LNP1: variants seen among roughly 807,000 people sequenced by gnomAD.
LNP1 encodes the protein leukemia NUP98 fusion partner 1.
Under a neutral mutation model 14.5 loss-of-function variants are expected in LNP1, and 12 were observed. The ratio of observed to expected loss-of-function variants is 0.83; its 90% confidence interval spans 0.53 to 1.34. The LOEUF (loss-of-function observed/expected upper bound fraction) is 1.34, where lower values mean the gene tolerates loss of function less well. LNP1 is among the 40% of genes most tolerant of loss of function. The probability of loss-of-function intolerance (pLI) is 0.00; values close to 1 mark genes in which losing one functional copy is unlikely to be tolerated. For synonymous variants in LNP1, 75 were observed against 71.4 expected, an observed-to-expected ratio of 1.05 and a Z score of -0.26; for missense variants, 198 against 210.9, an observed-to-expected ratio of 0.94 and a Z score of 0.38.
chr3:100,410,334 AG>A (rs1707020374), intron 1 of LNP1, among the ~76,000 whole-genome samples: 1 of 151,572 alleles, frequency 6.6e-6, no homozygotes, highest in African/African-American at 2.4e-5. Flanking sequence ...GTGGATGTTA[AG>A]GGCCATTTTG....
intron 1 of LNP1, among the ~76,000 whole-genome samples, chr3:100,416,083 GA>G (rs1394961083): frequency 6.6e-6 from 1 of 152,218 alleles, no homozygotes; most frequent in East Asian, 1.9e-4. Flanking sequence ...TTGCAAGGCA[GA>G]AGGCAGATAA....
At chr3:100,449,007 A>T (rs7372912) in intron 2 of LNP1, among the ~76,000 whole-genome samples, 1 of 152,254 alleles carries the variant, frequency 6.6e-6, no homozygotes, top group African/African-American at 2.4e-5. Context: ...ACATTATCAG[A>T]TATGGAGAAT....
intron 2 of LNP1, among the ~76,000 whole-genome samples, chr3:100,446,821 A>G (rs556731803): frequency 4.7e-4 from 72 of 152,352 alleles, no homozygotes; most frequent in African/African-American, 1.6e-3. Flanking sequence ...TAAAGAAGAC[A>G]TATATGCAAC....
intron 2 of LNP1, among the ~76,000 whole-genome samples, chr3:100,449,368 G>A (rs1353912666): frequency 1.3e-5 from 2 of 152,086 alleles, no homozygotes; most frequent in Non-Finnish European, 2.9e-5. Context: ...CAGTACAAAA[G>A]CAAGCAGTTT....
intron 1 of LNP1, among the ~76,000 whole-genome samples, chr3:100,416,599 TTGTGTGTGTGTG>T (rs769199967): frequency 1.1e-5 from 1 of 94,662 alleles, no homozygotes; most frequent in East Asian, 3.0e-4. Context: ...TATATCTTTT[TTGTGTGTGTGTG>T]TGTGTGTGTG....
intron 1 of LNP1, among the ~76,000 whole-genome samples, chr3:100,421,800 CAT>C (rs1707145712): frequency 6.6e-6 from 1 of 152,140 alleles, no homozygotes; most frequent in African/African-American, 2.4e-5. Context: ...CTGCTAATAA[CAT>C]GTGATATTTG....
At chr3:100,440,646 C>A (rs1427715539) in intron 2 of LNP1, among the ~76,000 whole-genome samples, 1 of 152,096 alleles carries the variant, frequency 6.6e-6, no homozygotes, top group Non-Finnish European at 1.5e-5. Flanking sequence ...TTCTTCTATT[C>A]TTTATACTGT....
intron 1 of LNP1, among the ~76,000 whole-genome samples, chr3:100,425,221 CCCCA>C (rs1707181246): frequency 6.6e-6 from 1 of 152,172 alleles, no homozygotes; most frequent in Non-Finnish European, 1.5e-5. Context: ...TTAGCAGAGC[CCCCA>C]GTGTGTCTTC....
intron 1 of LNP1, among the ~76,000 whole-genome samples, chr3:100,407,694 T>TTTCTC (rs1296643142): frequency 6.6e-6 from 1 of 152,214 alleles, no homozygotes; most frequent in African/African-American, 2.4e-5. Flanking sequence ...CACCCTTATC[T>TTTCTC]TTCTCTACTC....
At chr3:100,436,902 C>G (rs1469083863) in intron 2 of LNP1, among the ~76,000 whole-genome samples, 2 of 152,190 alleles carry the variant, frequency 1.3e-5, no homozygotes, top group Non-Finnish European at 2.9e-5. Flanking sequence ...TTCTTTCTCT[C>G]TCTATCCCCA....
chr3:100,422,283 A>T (rs1707150873), intron 1 of LNP1, among the ~76,000 whole-genome samples: 1 of 147,436 alleles, frequency 6.8e-6, no homozygotes, highest in South Asian at 2.1e-4. Context: ...TCCCGGGTTC[A>T]GGCCATTCTC....
chr3:100,417,525 GCCA>G (rs1707097826), intron 1 of LNP1, among the ~76,000 whole-genome samples: 1 of 151,072 alleles, frequency 6.6e-6, no homozygotes, highest in Non-Finnish European at 1.5e-5. Context: ...ACAGGCCCAC[GCCA>G]CCATGCCCTG....
chr3:100,413,165 A>C (rs2148899590), intron 1 of LNP1, among the ~76,000 whole-genome samples: 1 of 152,260 alleles, frequency 6.6e-6, no homozygotes, highest in Admixed American at 6.5e-5. Flanking sequence ...CACTGCTACC[A>C]CTTCCACCAC....
intron 1 of LNP1, among the ~76,000 whole-genome samples, chr3:100,427,010 G>A (rs567159960): frequency 2.0e-5 from 3 of 152,056 alleles, no homozygotes; most frequent in South Asian, 4.2e-4. Flanking sequence ...GTAGTAAAGT[G>A]GTAAATTCAG....
intron 3 of LNP1, 75 bp from the exon 4 acceptor site, chr3:100,455,702 C>A: frequency 7.1e-7 from 1 of 1,414,692 alleles, no homozygotes; most frequent in Non-Finnish European, 9.9e-7. Flanking sequence ...TTCTCCATGT[C>A]TGATTATTAA....
At chr3:100,415,081 G>A (rs1019464912) in intron 1 of LNP1, among the ~76,000 whole-genome samples, 4 of 152,196 alleles carry the variant, frequency 2.6e-5, no homozygotes, top group Non-Finnish European at 4.4e-5. Flanking sequence ...AGGAGAAAAT[G>A]TGAGAGAATA....
chr3:100,425,143 A>G lies in LNP1; in HGVS notation c.-33-4554A>G, dbSNP rs535315204. Among the ~76,000 whole-genome samples, 323 of 152,328 alleles carry G rather than the reference A, an allele frequency of 2.1e-3. 2 individuals carry two copies. Among genetic ancestry groups the G allele is most frequent in the African/African-American group, 7.3e-3 (305 of 41,580 alleles). Reference sequence around the variant, plus strand: ...CACAGGAAGGACAATCCCAGAGAGCATTCTTAGAAACAAAGAATTCAAGTT... The same window carrying G: ...CACAGGAAGGACAATCCCAGAGAGCGTTCTTAGAAACAAAGAATTCAAGTT... On this transcript the variant is annotated intron_variant, in intron 1 of 3. Transcript: ENST00000383693.
intron 3 of LNP1, among the ~76,000 whole-genome samples, chr3:100,454,447 TA>T (rs1243287451): frequency 6.6e-6 from 1 of 152,196 alleles, no homozygotes; most frequent in African/African-American, 2.4e-5. Flanking sequence ...TCAGTAAATT[TA>T]AAAATGATTT....
intron 1 of LNP1, among the ~76,000 whole-genome samples, chr3:100,405,815 C>T (rs779704087): frequency 2.0e-5 from 3 of 152,154 alleles, no homozygotes; most frequent in Non-Finnish European, 1.5e-5. Flanking sequence ...TCACCCTGCA[C>T]CTTGATATCA....
Sources: allele counts gnomAD v4.1 joint callset (sites outside exome capture counted in the v4.1 genomes callset), GRCh38; gene constraint gnomAD v4.1.1; transcripts MANE v1.5; gene names NCBI Gene and HGNC (gene_info 2026-07-23, HGNC 2026-07-21).